ZBBX: variants seen among roughly 807,000 people sequenced by gnomAD.
The protein encoded by ZBBX is zinc finger B-box domain-containing protein 1.
A neutral mutation model predicts 108.5 loss-of-function variants in ZBBX; 101 were observed. The observed-to-expected ratio is 0.93, with a 90% CI of 0.79 to 1.10. ZBBX has a LOEUF of 1.10. Ranked by LOEUF, ZBBX falls within the 50% of genes least tolerant of loss-of-function variation. ZBBX has a pLI of 0.00. For synonymous variants in ZBBX, 356 were observed against 323.4 expected, an observed-to-expected ratio of 1.10 and a Z score of -1.08; for missense variants, 1,009 against 941.4, an observed-to-expected ratio of 1.07 and a Z score of -0.94.
At chr3:167,222,233 AAAAT>A in the ZBBX span, among the ~76,000 whole-genome samples, 3 of 151,936 alleles carry the variant, frequency 2.0e-5, no homozygotes, top group East Asian at 5.8e-4. Flanking sequence ...AAAAAAAAAA[AAAAT>A]GAGATTCTAT....
chr3:167,186,382 T>G, the ZBBX span, among the ~76,000 whole-genome samples: 1 of 151,766 alleles, frequency 6.6e-6, no homozygotes, highest in African/African-American at 2.4e-5. Context: ...ACTCAAATAT[T>G]TGTAGGAAGG....
intron 4 of ZBBX, among the ~76,000 whole-genome samples, chr3:167,370,126 A>G (rs570606820): frequency 6.6e-6 from 1 of 152,192 alleles, no homozygotes; most frequent in Non-Finnish European, 1.5e-5. Flanking sequence ...AAGGAAATCA[A>G]TTAGAGGGTG....
In ZBBX at chr3:167,279,310, C is replaced by T. The variant is rs1023308355; in HGVS notation, c.2254+2928G>A. 4.4e-3 allele frequency among the ~76,000 whole-genome samples: 659 copies of T among 151,224 alleles called. 1 individual carries two copies. The highest frequency in any genetic ancestry group is 0.014 in the African/African-American group (598 of 41,320). ...TAGGAAAAGAGGAAGTCAAATTGTC[C>T]CTGTTTGCAGACGACATGATTGTAT... On this transcript the variant is annotated intron_variant, in intron 20 of 21. Transcript: ENST00000675490.
Position 167,240,883 on chromosome 3 carries a change from C to A in ZBBX, c.2430G>T (p.Leu810=). The stretch of plus-strand genomic sequence containing the variant: ...CATCTGTACTGCTCTCAGAAAGTGA[C>A]AGCAAAGACTGAATTTTGGTATCTC... The part of the protein sequence containing the change: ...SGRDTKIQSL[L]SLSESSTDEE... The change falls in exon 22 of 22, where the codon CTG becomes CTT. Residue 810 remains leucine (L), a synonymous_variant. Coordinates refer to ENST00000675490, the MANE Select transcript of ZBBX (RefSeq NM_001199201.2). 3 of 1,613,458 alleles carry A rather than the reference C, an allele frequency of 1.9e-6. No homozygotes were observed. The highest frequency in any genetic ancestry group is 2.5e-6 in the Non-Finnish European group (3 of 1,179,510).
chr3:167,192,165 T>G, the ZBBX span, among the ~76,000 whole-genome samples: 2 of 151,952 alleles, frequency 1.3e-5, no homozygotes, highest in Non-Finnish European at 2.9e-5. Flanking sequence ...TACTAGAATG[T>G]TCTGAGTTTG....
chr3:167,282,717 A>G, intron 19 of ZBBX: 1 of 450,232 alleles, frequency 2.2e-6, no homozygotes, highest in Non-Finnish European at 3.9e-6. Flanking sequence ...TTTTTTTCCT[A>G]ATTTTCCTAC....
At chr3:167,400,565 T>G (rs1256480549) in intron 1 of ZBBX, among the ~76,000 whole-genome samples, 1 of 152,086 alleles carries the variant, frequency 6.6e-6, no homozygotes, top group African/African-American at 2.4e-5. Context: ...TTCTTGTTGA[T>G]TTCTTGCTGT....
In ZBBX at chr3:167,295,502, G is replaced by T. The variant is rs186547611; in HGVS notation, c.1879+2803C>A. On this transcript the variant is annotated intron_variant, in intron 18 of 21. Coordinates refer to ENST00000675490, the MANE Select transcript of ZBBX (RefSeq NM_001199201.2). ...GGGAGTTGAACAATGAGAACACATG[G>T]ACACATCAAACACTGGGGCCTGTTG... Among the ~76,000 whole-genome samples, 7 of 151,338 alleles carry T rather than the reference G, an allele frequency of 4.6e-5. No homozygotes were observed. In the East Asian group the frequency reaches 1.4e-3, roughly 30 times the overall value.
chr3:167,320,616 T>C (rs1736279416), intron 12 of ZBBX, among the ~76,000 whole-genome samples: 1 of 152,072 alleles, frequency 6.6e-6, no homozygotes, highest in South Asian at 2.1e-4. Flanking sequence ...GTGTCTCCTC[T>C]AAAATATTTA....
chr3:167,188,637 A>G, the ZBBX span, among the ~76,000 whole-genome samples: 1 of 152,220 alleles, frequency 6.6e-6, no homozygotes, highest in Non-Finnish European at 1.5e-5. Context: ...ACCACAAACA[A>G]ACTTATTTCC....
intron 10 of ZBBX, among the ~76,000 whole-genome samples, chr3:167,332,373 A>C (rs1738807313): frequency 6.6e-6 from 1 of 152,062 alleles, no homozygotes; most frequent in African/African-American, 2.4e-5. Flanking sequence ...TCTCTAGTTG[A>C]TTTTAATATA....
intron 1 of ZBBX, among the ~76,000 whole-genome samples, chr3:167,391,092 GC>G (rs1197217899): frequency 6.6e-6 from 1 of 152,054 alleles, no homozygotes; most frequent in African/African-American, 2.4e-5. Context: ...TCCAGCTTGT[GC>G]CCATTCAGTA....
intron 4 of ZBBX, 177 bp from the exon 5 acceptor site, chr3:167,368,751 C>G: frequency 1.6e-6 from 2 of 1,260,924 alleles, no homozygotes; most frequent in Non-Finnish European, 2.0e-6. Flanking sequence ...CCATCAAAAT[C>G]CTGAAGCAAA....
intron 9 of ZBBX, among the ~76,000 whole-genome samples, chr3:167,343,551 C>T (rs575934199): frequency 1.3e-5 from 2 of 151,976 alleles, no homozygotes; most frequent in African/African-American, 4.8e-5. Context: ...TGTCCCACAT[C>T]CAGGTCTTCG....
chr3:167,284,366 G>A (rs903075731), intron 19 of ZBBX, among the ~76,000 whole-genome samples: 4 of 152,046 alleles, frequency 2.6e-5, no homozygotes, highest in African/African-American at 9.7e-5. Flanking sequence ...GCACAAGTCA[G>A]AGAGTGTAAC....
intron 9 of ZBBX, among the ~76,000 whole-genome samples, chr3:167,341,227 C>T (rs1740484776): frequency 6.6e-6 from 1 of 151,698 alleles, no homozygotes; most frequent in Non-Finnish European, 1.5e-5. Context: ...AAAGCAAAGA[C>T]CTGGACACAT....
At chr3:167,309,399 C>T (rs1353089568) in intron 16 of ZBBX, among the ~76,000 whole-genome samples, 1 of 152,198 alleles carries the variant, frequency 6.6e-6, no homozygotes, top group African/African-American at 2.4e-5. Flanking sequence ...CCCCTTTGCA[C>T]CACTCTAGTA....
intron 8 of ZBBX, among the ~76,000 whole-genome samples, chr3:167,351,870 C>G (rs144351110): frequency 7.2e-5 from 11 of 152,206 alleles, no homozygotes; most frequent in Non-Finnish European, 1.5e-4. Context: ...TCAAGCACCC[C>G]ATTCCTGTCA....
At chr3:167,277,491 A>G (rs919150766) in intron 20 of ZBBX, among the ~76,000 whole-genome samples, 1 of 152,162 alleles carries the variant, frequency 6.6e-6, no homozygotes, top group Non-Finnish European at 1.5e-5. Flanking sequence ...AAAGATCAAA[A>G]GAGACAAAGA....
Sources: allele counts gnomAD v4.1 joint callset (sites outside exome capture counted in the v4.1 genomes callset), GRCh38; gene constraint gnomAD v4.1.1; transcripts MANE v1.5; gene names NCBI Gene and HGNC (gene_info 2026-07-23, HGNC 2026-07-21).